Variants in LYST observed in about 807,000 individuals in gnomAD.
The protein encoded by LYST is lysosomal-trafficking regulator.
A neutral mutation model predicts 413.6 loss-of-function variants in LYST; 192 were observed. That is an observed-to-expected ratio of 0.46 (90% confidence interval 0.41 to 0.52). The LOEUF is 0.52. Ranked by LOEUF, LYST falls within the 20% of genes least tolerant of loss-of-function variation. LYST has a pLI of 0.00. For missense variants in LYST, 3,815 were observed against 4,499.9 expected, an observed-to-expected ratio of 0.85 and a Z score of 4.35; for synonymous variants, 1,525 against 1,567.3, an observed-to-expected ratio of 0.97 and a Z score of 0.64.
At chr1:235,766,375 G>A in intron 20 of LYST, 98 bp from the exon 21 acceptor site, 2 of 835,476 alleles carry the variant, frequency 2.4e-6, no homozygotes, top group Non-Finnish European at 3.8e-6. Context: ...ATAGAATTCT[G>A]TTGGTTTACT....
intron 28 of LYST, chr1:235,747,054 T>C (rs1014218799): frequency 3.8e-6 from 1 of 265,146 alleles, no homozygotes; most frequent in Non-Finnish European, 7.6e-6. Context: ...TGATTTGTTA[T>C]TAAAATGATT....
chr1:235,767,929 C>T (rs183997865), intron 20 of LYST, among the ~76,000 whole-genome samples: 1 of 152,144 alleles, frequency 6.6e-6, no homozygotes, highest in African/African-American at 2.4e-5. Context: ...CCCCCTCTGC[C>T]GACCTCTGGC....
intron 1 of LYST, among the ~76,000 whole-genome samples, chr1:235,872,505 T>C (rs2385028): frequency 0.82 from 124,548 of 152,096 alleles, 51,491 homozygotes; most frequent in African/African-American, 0.95. Flanking sequence ...CGATTCTTCT[T>C]GGCATCTGTG....
At chr1:235,663,303 G>T (rs533618719) in intron 52 of LYST, among the ~76,000 whole-genome samples, 5 of 152,052 alleles carry the variant, frequency 3.3e-5, no homozygotes, top group Admixed American at 6.6e-5. Flanking sequence ...AATAAAATCA[G>T]GATCACAAAG....
rs548871811 is a variant in LYST, at chr1:235,733,262, A to G, written c.8801+241T>C. 3.3e-5 allele frequency among the ~76,000 whole-genome samples: 5 copies of G among 152,224 alleles called. No homozygotes were observed. The East Asian group carries it at 7.7e-4, about 23-fold the overall frequency. The stretch of plus-strand genomic sequence containing the variant: ...CTATTCTTTTACAGACCATATTTTA[A>G]AATTAAGCTAATTTTACTATCTAGA... On this transcript the variant is annotated intron_variant, in intron 34 of 52. Transcript: ENST00000389793.
intron 3 of LYST, among the ~76,000 whole-genome samples, chr1:235,817,545 T>A (rs771166808): frequency 6.6e-6 from 1 of 152,148 alleles, no homozygotes; most frequent in Non-Finnish European, 1.5e-5. Flanking sequence ...CAAAAAAGAA[T>A]GAGATCATGT....
intron 41 of LYST, among the ~76,000 whole-genome samples, chr1:235,716,437 T>A (rs1486640575): frequency 6.6e-6 from 1 of 152,210 alleles, no homozygotes; most frequent in Non-Finnish European, 1.5e-5. Context: ...GTGATTTTTA[T>A]AAGGAATGTG....
At chr1:235,713,661 A>G (rs1034414193) in intron 42 of LYST, among the ~76,000 whole-genome samples, 37 of 152,204 alleles carry the variant, frequency 2.4e-4, no homozygotes, top group African/African-American at 8.9e-4. Flanking sequence ...GAGAACAGGG[A>G]TACAGCTAAA....
At chr1:235,733,381 T>A in intron 34 of LYST, 122 bp downstream of exon 34, 1 of 849,728 alleles carries the variant, frequency 1.2e-6, no homozygotes, top group Non-Finnish European at 1.9e-6. Flanking sequence ...CACAAATGAT[T>A]AAACAAAAAA....
At chr1:235,860,169 C>T (rs980950339) in intron 1 of LYST, among the ~76,000 whole-genome samples, 15 of 152,062 alleles carry the variant, frequency 9.9e-5, no homozygotes, top group African/African-American at 3.6e-4. Context: ...ATCTTCTATC[C>T]TCTTTTTTAA....
rs978137466 is a variant in LYST, at chr1:235,670,783, T to A, written c.11039-6162A>T. On this transcript the variant is annotated intron_variant, in intron 50 of 52. Transcript: ENST00000389793. ...GTAAAGTAAAGGAGTGCAAGAAACC[T>A]CCAGTGGGGAGGGGGGTTAAGTCTC... 4.6e-5 allele frequency among the ~76,000 whole-genome samples: 7 copies of A among 152,174 alleles called. No homozygotes were observed. The South Asian group carries it at 1.0e-3, about 23-fold the overall frequency.
chr1:235,869,193 C>T (rs192002272), upstream of LYST, among the ~76,000 whole-genome samples: 47 of 152,282 alleles, frequency 3.1e-4, no homozygotes, highest in African/African-American at 1.0e-3. Flanking sequence ...CTCTACTTGG[C>T]CGGGCGCAGT....
chr1:235,857,780 C>CATATATATAT (rs1276928760), intron 1 of LYST, among the ~76,000 whole-genome samples: 1 of 135,856 alleles, frequency 7.4e-6, no homozygotes, highest in African/African-American at 2.9e-5. Context: ...CACACACACA[C>CATATATATAT]ACACATATAT....
intron 10 of LYST, among the ~76,000 whole-genome samples, chr1:235,798,578 TAAAAAAAAAAAAAAAAAAA>T (rs71174462): frequency 2.2e-4 from 18 of 81,712 alleles, no homozygotes; most frequent in South Asian, 1.1e-3. Flanking sequence ...AACCCTGTCA[TAAAAAAAAAAAAAAAAAAA>T]AAAAAAAAAA....
At chr1:235,689,023 T>TAAC (rs1241514809) in intron 47 of LYST, among the ~76,000 whole-genome samples, 17 of 76,546 alleles carry the variant, frequency 2.2e-4, no homozygotes, top group Non-Finnish European at 2.6e-4. Flanking sequence ...ATAATAATAA[T>TAAC]AATAACAACA....
chr1:235,865,309 T>C (rs1399371355), intron 1 of LYST, among the ~76,000 whole-genome samples: 2 of 151,762 alleles, frequency 1.3e-5, no homozygotes, highest in East Asian at 1.9e-4. Flanking sequence ...CCCGGTTCCC[T>C]GCCCTCCCTC....
At chr1:235,800,238 C>T (rs1672061928) in intron 10 of LYST, 82 bp downstream of exon 10, 2 of 952,486 alleles carry the variant, frequency 2.1e-6, no homozygotes, top group African/African-American at 3.2e-5. Context: ...GCATGAGCCA[C>T]CACACCTGGC....
At chr1:235,803,178 C>A in intron 7 of LYST, 114 bp from the exon 8 acceptor site, 1 of 835,118 alleles carries the variant, frequency 1.2e-6, no homozygotes, top group Non-Finnish European at 1.9e-6. Context: ...AAGAAAAAAA[C>A]TTAGTAAACA....
intron 1 of LYST, among the ~76,000 whole-genome samples, chr1:235,882,108 A>ACACACT (rs1553330425): frequency 6.6e-6 from 1 of 151,702 alleles, no homozygotes; most frequent in Admixed American, 6.6e-5. Flanking sequence ...ACACACACAC[A>ACACACT]AATAGGAGGC....
Sources: allele counts gnomAD v4.1 joint callset (sites outside exome capture counted in the v4.1 genomes callset), GRCh38; gene constraint gnomAD v4.1.1; transcripts MANE v1.5; gene names NCBI Gene and HGNC (gene_info 2026-07-23, HGNC 2026-07-21).